Variants in FMNL3 observed in about 807,000 individuals in gnomAD.
FMNL3 encodes the protein formin-like protein 3.
A neutral mutation model predicts 119.6 loss-of-function variants in FMNL3; 57 were observed. The ratio of observed to expected loss-of-function variants is 0.48; its 90% CI spans 0.39 to 0.59. FMNL3 has a LOEUF of 0.59. Among genes scored for constraint, FMNL3 ranks in the 20% least tolerant of loss-of-function variants. The pLI, the probability that FMNL3 is intolerant of heterozygous loss-of-function variation, is 0.00. For synonymous variants in FMNL3, 491 were observed against 507.3 expected (o/e 0.97, Z 0.43); for missense variants, 1,053 against 1,323.5 (o/e 0.80, Z 3.17).
rs145307949 is a variant in FMNL3 at position 49,642,257 on chromosome 12, G to A, written c.*3558C>T. ...CAGCTGCTGGAGAAAGCAGAGGCAC[G>A]GGAGAGGGAGCGGGAGAAGGAGGAG... On this transcript the variant is annotated 3_prime_UTR_variant, in exon 26 of 26. Transcript: ENST00000335154. The surrounding 1 kb of genome is among the most constrained non-coding windows in gnomAD (Gnocchi z 5.8). 3.8e-5 allele frequency: 62 copies of A among 1,614,062 alleles called. No individual in the cohort carries two copies. The highest frequency in any genetic ancestry group is 1.6e-4 in the Middle Eastern group (1 of 6,084).
chr12:49,667,630 C>T (rs949371507), intron 2 of FMNL3, among the ~76,000 whole-genome samples: 3 of 152,234 alleles, frequency 2.0e-5, no homozygotes, highest in Admixed American at 2.0e-4. Flanking sequence ...AATGCCAACA[C>T]TGCCTTCCTC....
intron 1 of FMNL3, among the ~76,000 whole-genome samples, chr12:49,704,195 T>C (rs1229835849): frequency 6.6e-6 from 1 of 152,130 alleles, no homozygotes; most frequent in Non-Finnish European, 1.5e-5. Context: ...GTAACTTGCT[T>C]GAGGTCAAAC....
intron 1 of FMNL3, among the ~76,000 whole-genome samples, chr12:49,692,836 G>A (rs1303919543): frequency 6.6e-6 from 1 of 152,176 alleles, no homozygotes; most frequent in African/African-American, 2.4e-5. Context: ...CTAAGAAAAA[G>A]AATAGTAAGT....
At chr12:49,706,949 C>A (rs1945065034) in intron 1 of FMNL3, 106 bp downstream of exon 1, 2 of 1,346,566 alleles carry the variant, frequency 1.5e-6, no homozygotes, top group Non-Finnish European at 2.0e-6. Context: ...CGTTCGGGAC[C>A]CCGACTGAAA....
intron 1 of FMNL3, among the ~76,000 whole-genome samples, chr12:49,692,556 T>C (rs2139009023): frequency 6.6e-6 from 1 of 152,334 alleles, no homozygotes; most frequent in Admixed American, 6.5e-5. Context: ...TTCTATGTAT[T>C]TATATACAAC....
chr12:49,643,617 C>A lies in FMNL3; in HGVS notation c.*2198G>T. ...GAGGTTCCTGCCTGTGAAGAATGAA[C>A]AGAGGGGCTAGAACAAAGAAAAAGA... On this transcript the variant is annotated 3_prime_UTR_variant, in exon 26 of 26. Transcript: ENST00000335154. 6.6e-7 allele frequency: 1 copy of A among 1,506,790 alleles called. No individual in the cohort carries two copies. Among genetic ancestry groups the A allele is most frequent in the African/African-American group, 1.4e-5 (1 of 71,304 alleles). The allele number at this position is 1,506,790 out of a possible 1,614,324, so 93.3% of individuals were successfully genotyped here.
chr12:49,674,892 T>C (rs1944142379), intron 1 of FMNL3, among the ~76,000 whole-genome samples: 1 of 152,184 alleles, frequency 6.6e-6, no homozygotes, highest in African/African-American at 2.4e-5. Context: ...CTGGTTGAGC[T>C]CTGCAGTTCA....
chr12:49,693,568 C>G (rs1265271082), intron 1 of FMNL3, among the ~76,000 whole-genome samples: 1 of 144,032 alleles, frequency 6.9e-6, no homozygotes, highest in Non-Finnish European at 1.5e-5. Flanking sequence ...ACAGTTTTGT[C>G]ATGTTGGCCA....
intron 1 of FMNL3, among the ~76,000 whole-genome samples, chr12:49,682,101 C>T (rs1306709491): frequency 6.7e-6 from 1 of 148,858 alleles, no homozygotes; most frequent in African/African-American, 2.5e-5. Flanking sequence ...GACAGAGTCT[C>T]ACTCTGTCGC....
At chr12:49,706,993 C>T in intron 1 of FMNL3, 62 bp downstream of exon 1, 1 of 1,534,670 alleles carries the variant, frequency 6.5e-7, no homozygotes, top group Non-Finnish European at 8.8e-7. Flanking sequence ...CACAAAGTCC[C>T]AGCCCGGGCG....
chr12:49,680,380 G>A lies in FMNL3; in HGVS notation c.127-11826C>T, dbSNP rs575409959. 6.4e-4 allele frequency among the ~76,000 whole-genome samples: 97 copies of A among 152,338 alleles called. 1 individual carries two copies. Among genetic ancestry groups the A allele is most frequent in the African/African-American group, 2.3e-3 (95 of 41,578 alleles). Reference sequence around the variant, plus strand: ...CACAAGTTGTATCAGCTAGGGAGAGGCTCTACAAGTCCTGCCTTTCCTTGC... The same window carrying A: ...CACAAGTTGTATCAGCTAGGGAGAGACTCTACAAGTCCTGCCTTTCCTTGC... On this transcript the variant is annotated intron_variant, in intron 1 of 25. Coordinates refer to ENST00000335154, the MANE Select transcript of FMNL3 (RefSeq NM_175736.5).
chr12:49,663,775 G>T (rs766025226), intron 4 of FMNL3, among the ~76,000 whole-genome samples: 2 of 152,230 alleles, frequency 1.3e-5, no homozygotes, highest in Non-Finnish European at 2.9e-5. Flanking sequence ...ATCATAAACT[G>T]CTCTGTGGCC....
At chr12:49,663,265 A>C (rs1266941030) in intron 4 of FMNL3, among the ~76,000 whole-genome samples, 1 of 152,240 alleles carries the variant, frequency 6.6e-6, no homozygotes, top group East Asian at 1.9e-4. Context: ...AGGAGAGGTT[A>C]AAGGGTGCTT....
chr12:49,683,844 G>C (rs927460258), intron 1 of FMNL3, among the ~76,000 whole-genome samples: 5 of 152,184 alleles, frequency 3.3e-5, no homozygotes, highest in Non-Finnish European at 7.4e-5. Context: ...GCAGCTCTGA[G>C]AGGGTTCTCT....
chr12:49,698,645 T>C (rs1944819490), intron 1 of FMNL3, among the ~76,000 whole-genome samples: 1 of 151,830 alleles, frequency 6.6e-6, no homozygotes, highest in South Asian at 2.1e-4. Flanking sequence ...AGGAAGATTC[T>C]AAAAGAGGAA....
intron 1 of FMNL3, among the ~76,000 whole-genome samples, chr12:49,685,189 T>C (rs965893432): frequency 1.3e-5 from 2 of 152,130 alleles, no homozygotes; most frequent in African/African-American, 4.8e-5. Context: ...CCCCCAGTTT[T>C]AAAATAAGGT....
At chr12:49,676,707 T>C (rs1420498212) in intron 1 of FMNL3, among the ~76,000 whole-genome samples, 1 of 152,134 alleles carries the variant, frequency 6.6e-6, no homozygotes, top group Non-Finnish European at 1.5e-5. Context: ...CCTGGTTAAC[T>C]GGGGAAAGGG....
intron 1 of FMNL3, among the ~76,000 whole-genome samples, chr12:49,684,003 C>A (rs1186827053): frequency 6.6e-6 from 1 of 152,208 alleles, no homozygotes; most frequent in Admixed American, 6.5e-5. Flanking sequence ...CCAAGCCCCA[C>A]CTCTCTACTG....
chr12:49,698,536 A>AC (rs1565899579), intron 1 of FMNL3, among the ~76,000 whole-genome samples: 2 of 151,488 alleles, frequency 1.3e-5, no homozygotes, highest in Non-Finnish European at 2.9e-5. Flanking sequence ...AAAAAAAAAA[A>AC]CACCCTATCC....
Sources: allele counts gnomAD v4.1 joint callset (sites outside exome capture counted in the v4.1 genomes callset), GRCh38; gene constraint gnomAD v4.1.1; non-coding constraint Gnocchi (gnomAD v3.1); transcripts MANE v1.5; gene names NCBI Gene and HGNC (gene_info 2026-07-23, HGNC 2026-07-21).